VRK2: variants seen among roughly 807,000 people sequenced by gnomAD.
The protein encoded by VRK2 is serine/threonine-protein kinase VRK2.
In VRK2, 60 loss-of-function variants were observed where a neutral mutation model predicts 57.6. The ratio of observed to expected loss-of-function variants is 1.04; its 90% confidence interval spans 0.85 to 1.29. VRK2 has a LOEUF of 1.29. Ranked by LOEUF, VRK2 falls within the 50% of genes most tolerant of loss-of-function variation. The probability of loss-of-function intolerance (pLI) is 0.00; values close to 1 mark genes in which losing one functional copy is unlikely to be tolerated. For missense variants in VRK2, 705 were observed against 588.1 expected, an observed-to-expected ratio of 1.20 and a Z score of -2.06; for synonymous variants, 231 against 199.2, an observed-to-expected ratio of 1.16 and a Z score of -1.35.
intron 1 of VRK2, among the ~76,000 whole-genome samples, chr2:58,013,413 C>T (rs1177882147): frequency 6.6e-6 from 1 of 152,114 alleles, no homozygotes; most frequent in East Asian, 1.9e-4. Flanking sequence ...ACTGCTAATA[C>T]GCTAGAAATA....
rs1053618910 is a variant in VRK2 at position 58,036,085 on chromosome 2, G to A, written c.-6+2532G>A. On this transcript the variant is annotated intron_variant, in intron 3 of 15. Transcript: ENST00000417641. ...TATGTCTGAGATAGCTAAATAAAGCGTGGTCTTTTCAGAACTGAGATCAAC... is the reference window on the plus strand; with the variant it reads ...TATGTCTGAGATAGCTAAATAAAGCATGGTCTTTTCAGAACTGAGATCAAC... Among the ~76,000 whole-genome samples, 12 of 151,854 alleles carry A rather than the reference G, an allele frequency of 7.9e-5. 1 individual carries two copies. The highest frequency in any genetic ancestry group is 3.9e-4 in the Admixed American group (6 of 15,230).
At chr2:58,026,880 T>C (rs986342348) in intron 2 of VRK2, 2 of 149,044 alleles carry the variant, frequency 1.3e-5, no homozygotes, top group African/African-American at 4.9e-5. Context: ...ACACAGCTTT[T>C]TTTCTTTTCT....
intron 3 of VRK2, among the ~76,000 whole-genome samples, chr2:58,034,702 A>C (rs181603515): frequency 6.6e-6 from 1 of 151,856 alleles, no homozygotes; most frequent in Non-Finnish European, 1.5e-5. Flanking sequence ...GCATGAGAGC[A>C]TCTCTCATCT....
In VRK2 at chr2:58,092,154, A is replaced by C. The variant is rs556007452; in HGVS notation, c.543+2431A>C. Among the ~76,000 whole-genome samples, 6 of 152,246 alleles carry C rather than the reference A, an allele frequency of 3.9e-5. No individual in the cohort carries two copies. In the South Asian group the frequency reaches 1.2e-3, roughly 32 times the overall value. On this transcript the variant is annotated intron_variant, in intron 7 of 12. Coordinates refer to ENST00000340157, the MANE Select transcript of VRK2 (RefSeq NM_006296.7). ...ATGTAGAACATTTCTTTCATTCCCA[A>C]AAGTTCTCTCATTCCTGTTTAGAGT...
At chr2:57,995,858 C>A (rs1232448957) in intron 1 of VRK2, among the ~76,000 whole-genome samples, 1 of 152,086 alleles carries the variant, frequency 6.6e-6, no homozygotes, top group African/African-American at 2.4e-5. Flanking sequence ...GCACTTTTAC[C>A]CACCATTGCT....
intron 2 of VRK2, among the ~76,000 whole-genome samples, chr2:58,031,722 T>C (rs931757883): frequency 6.6e-6 from 1 of 152,090 alleles, no homozygotes; most frequent in African/African-American, 2.4e-5. Context: ...TTCAGAGGCT[T>C]TTGTTCTCAT....
At chr2:58,046,562 C>A (rs1271186290), upstream of VRK2, 1 of 985,504 alleles carries the variant, frequency 1.0e-6, no homozygotes, top group Non-Finnish European at 1.2e-6. Context: ...CAGACGCTGG[C>A]GGGCCAGGGT....
At chr2:58,045,965 T>A (rs1463855469), upstream of VRK2, among the ~76,000 whole-genome samples, 1 of 152,216 alleles carries the variant, frequency 6.6e-6, no homozygotes, top group Non-Finnish European at 1.5e-5. Flanking sequence ...TACCTCAGCC[T>A]GCCGAGTAGC....
intron 1 of VRK2, among the ~76,000 whole-genome samples, chr2:57,950,784 T>C (rs1671402583): frequency 6.6e-6 from 1 of 152,200 alleles, no homozygotes; most frequent in South Asian, 2.1e-4. Flanking sequence ...TCAACCATTC[T>C]AGACGCCATT....
At chr2:58,099,997 A>T (rs560367698) in intron 7 of VRK2, among the ~76,000 whole-genome samples, 1 of 152,036 alleles carries the variant, frequency 6.6e-6, no homozygotes, top group Non-Finnish European at 1.5e-5. Flanking sequence ...TGTCTTGCCT[A>T]TTGTTGTACA....
chr2:58,146,193 CT>C, intron 11 of VRK2, 122 bp from the exon 12 acceptor site: 1 of 840,558 alleles, frequency 1.2e-6, no homozygotes, highest in South Asian at 2.3e-5. Flanking sequence ...TGCTGCTTTC[CT>C]CTTTATTTCC....
intron 1 of VRK2, among the ~76,000 whole-genome samples, chr2:57,964,278 GA>G (rs1671844724): frequency 6.6e-6 from 1 of 152,066 alleles, no homozygotes; most frequent in Admixed American, 6.5e-5. Flanking sequence ...CTAGAGAAAA[GA>G]AAAATATTAT....
intron 1 of VRK2, among the ~76,000 whole-genome samples, chr2:57,969,570 TAAAC>T (rs1310598741): frequency 6.6e-6 from 1 of 152,068 alleles, no homozygotes; most frequent in Non-Finnish European, 1.5e-5. Flanking sequence ...CAACTTTTAT[TAAAC>T]AAAGAGAATC....
chr2:58,089,463 A>G (rs558384091), intron 6 of VRK2, among the ~76,000 whole-genome samples, 168 bp from the exon 7 acceptor site: 1 of 152,352 alleles, frequency 6.6e-6, no homozygotes, highest in South Asian at 2.1e-4. Flanking sequence ...TTCTAGGATG[A>G]GCAACCAGAA....
chr2:58,136,801 A>G (rs561478606), intron 10 of VRK2, among the ~76,000 whole-genome samples: 103 of 144,352 alleles, frequency 7.1e-4, no homozygotes, highest in African/African-American at 1.3e-3. Context: ...TATCATATAT[A>G]TGTGTATATA....
upstream of VRK2, among the ~76,000 whole-genome samples, chr2:58,046,089 C>T (rs1482599245): frequency 1.3e-5 from 2 of 152,212 alleles, no homozygotes; most frequent in African/African-American, 4.8e-5. Context: ...AGATGATCCA[C>T]CCGCCTCGGC....
chr2:57,952,868 G>C (rs1360724830), intron 1 of VRK2, among the ~76,000 whole-genome samples: 2 of 152,024 alleles, frequency 1.3e-5, no homozygotes, highest in Admixed American at 6.6e-5. Context: ...CCATGGATTT[G>C]ACTGTGGATG....
intron 2 of VRK2, 47 bp downstream of exon 2, chr2:58,049,014 T>G: frequency 6.3e-7 from 1 of 1,579,920 alleles, no homozygotes; most frequent in East Asian, 2.3e-5. Flanking sequence ...TCTGTGACTG[T>G]AACCGTGATT....
At chr2:58,120,774 C>G (rs958401437) in intron 7 of VRK2, among the ~76,000 whole-genome samples, 4 of 152,128 alleles carry the variant, frequency 2.6e-5, no homozygotes, top group Non-Finnish European at 4.4e-5. Context: ...GATGGTCATT[C>G]CTTTGCAGGA....
Sources: gnomAD v4.1 joint callset for allele counts (sites outside exome capture counted in the v4.1 genomes callset) on GRCh38, gnomAD v4.1.1 for gene constraint, MANE v1.5 for transcripts, NCBI Gene and HGNC (gene_info 2026-07-23, HGNC 2026-07-21) for gene names.